The following PRKCB variants were observed in gnomAD, a reference collection of about 807,000 sequenced individuals.
The protein encoded by PRKCB is protein kinase C beta type.
PRKCB carries 13 observed loss-of-function variants against 81.5 expected under a neutral mutation model. The observed-to-expected ratio is 0.16, with a 90% CI of 0.10 to 0.25. The LOEUF (loss-of-function observed/expected upper bound fraction) is 0.25. Ranked by LOEUF, PRKCB falls within the 10% of genes least tolerant of loss-of-function variation. PRKCB has a pLI of 1.00. For missense variants in PRKCB, 509 were observed against 875.7 expected, an observed-to-expected ratio of 0.58 and a Z score of 5.29; for synonymous variants, 335 against 321.4, an observed-to-expected ratio of 1.04 and a Z score of -0.45.
intron 4 of PRKCB, among the ~76,000 whole-genome samples, chr16:24,033,667 C>T (rs1567351502): frequency 6.6e-6 from 1 of 152,068 alleles, no homozygotes; most frequent in South Asian, 2.1e-4. Flanking sequence ...GAGGCTGAGG[C>T]AGGAAAATCA....
intron 12 of PRKCB, among the ~76,000 whole-genome samples, chr16:24,178,017 A>T (rs1159740245): frequency 6.6e-6 from 1 of 152,222 alleles, no homozygotes; most frequent in South Asian, 2.1e-4. Context: ...GTATGGTTTT[A>T]TCATTTCACA....
chr16:23,926,637 G>A (rs901088895), intron 2 of PRKCB, among the ~76,000 whole-genome samples: 6 of 150,416 alleles, frequency 4.0e-5, no homozygotes, highest in African/African-American at 1.2e-4. Context: ...GGTGGTATGT[G>A]TGTCTATATA....
intron 2 of PRKCB, among the ~76,000 whole-genome samples, chr16:23,932,864 C>T (rs1963998279): frequency 6.6e-6 from 1 of 152,084 alleles, no homozygotes; most frequent in South Asian, 2.1e-4. Context: ...ATCTTAAGTA[C>T]TCTGAGAAAC....
intron 2 of PRKCB, among the ~76,000 whole-genome samples, chr16:23,971,099 T>C (rs527533445): frequency 2.0e-5 from 3 of 152,358 alleles, no homozygotes; most frequent in Admixed American, 6.5e-5. Flanking sequence ...TCTTAGCATG[T>C]GCTTGAGTTA....
rs559737517 is a variant in PRKCB, at chr16:24,034,557, G to A, written c.401-862G>A. 1.5e-4 allele frequency among the ~76,000 whole-genome samples: 23 copies of A among 152,348 alleles called. 1 individual carries two copies. The South Asian group carries it at 1.7e-3, about 11-fold the overall frequency. On this transcript the variant is annotated intron_variant, in intron 4 of 16. Coordinates refer to ENST00000643927, the MANE Select transcript of PRKCB (RefSeq NM_002738.7). ...ATATCCTATAACATGAGAGATGGCCGAAGGCCAAATTCAGTGTATAGGCAC... is the reference window on the plus strand; with the variant it reads ...ATATCCTATAACATGAGAGATGGCCAAAGGCCAAATTCAGTGTATAGGCAC...
At chr16:24,111,946 G>A (rs1966681247) in intron 7 of PRKCB, among the ~76,000 whole-genome samples, 1 of 152,166 alleles carries the variant, frequency 6.6e-6, no homozygotes. Context: ...AAAGGAATTT[G>A]TATTCCAATT....
chr16:24,125,958 T>G (rs1168506127), intron 9 of PRKCB, among the ~76,000 whole-genome samples: 1 of 152,222 alleles, frequency 6.6e-6, no homozygotes, highest in Non-Finnish European at 1.5e-5. Flanking sequence ...CCAGCAGCTC[T>G]GAGTATCCCT....
intron 4 of PRKCB, 147 bp from the exon 5 acceptor site, chr16:24,035,272 A>G: frequency 2.0e-6 from 2 of 984,610 alleles, no homozygotes; most frequent in South Asian, 1.6e-5. Flanking sequence ...AGATCCTGGC[A>G]GGCAAGTTGG....
intron 2 of PRKCB, among the ~76,000 whole-genome samples, chr16:23,957,649 T>C (rs1964367972): frequency 6.6e-6 from 1 of 151,622 alleles, no homozygotes; most frequent in African/African-American, 2.4e-5. Flanking sequence ...AAGCCCCTCC[T>C]CCCCACCCCT....
chr16:24,139,188 TAGGATA>T (rs71381646), intron 9 of PRKCB, among the ~76,000 whole-genome samples: 60,016 of 151,196 alleles, frequency 0.4, 12,279 homozygotes, highest in African/African-American at 0.52. Flanking sequence ...TTATTTTGCT[TAGGATA>T]AGGATAAGGT....
At chr16:24,074,886 C>G (rs1429186216) in intron 5 of PRKCB, among the ~76,000 whole-genome samples, 1 of 152,036 alleles carries the variant, frequency 6.6e-6, no homozygotes, top group Non-Finnish European at 1.5e-5. Flanking sequence ...CTTTGGGAGG[C>G]CAAGGTGGAA....
chr16:24,110,098 G>A (rs1207810826), intron 7 of PRKCB, among the ~76,000 whole-genome samples: 1 of 137,012 alleles, frequency 7.3e-6, no homozygotes, highest in Admixed American at 7.1e-5. Context: ...AAGAGAGGGA[G>A]AGGGAGACCG....
chr16:24,051,067 T>A (rs1413663322), intron 5 of PRKCB, among the ~76,000 whole-genome samples: 1 of 152,192 alleles, frequency 6.6e-6, no homozygotes, highest in Non-Finnish European at 1.5e-5. Context: ...CTTCCGGACA[T>A]CACCTTCCTC....
At chr16:24,176,601 G>A (rs1430957522) in intron 12 of PRKCB, among the ~76,000 whole-genome samples, 1 of 152,222 alleles carries the variant, frequency 6.6e-6, no homozygotes, top group Middle Eastern at 3.4e-3. Context: ...GTTTTGAAAG[G>A]TGCACATGAG....
intron 5 of PRKCB, among the ~76,000 whole-genome samples, chr16:24,077,292 A>G (rs956953698): frequency 2.0e-5 from 3 of 152,150 alleles, no homozygotes; most frequent in Non-Finnish European, 2.9e-5. Flanking sequence ...AATTATGATA[A>G]TAAGAAAATG....
In PRKCB at chr16:24,193,476, T is replaced by TAAATAAATAAATAAATA. The variant is rs1555501794; in HGVS notation, c.1863+2249_1863+2265dup. Among the ~76,000 whole-genome samples the TAAATAAATAAATAAATA allele has an allele frequency of 4.7e-3, 663 of 139,880 alleles. 1 individual carries two copies. Among genetic ancestry groups the TAAATAAATAAATAAATA allele is most frequent in the African/African-American group, 0.011 (408 of 37,430 alleles). The allele number at this position is 139,880 out of a possible 152,430, so 91.8% of individuals were successfully genotyped here. ...ATAAATAAATAAATAAATAAATAAATAAATAAATAAATAAATAAATAAATG... is the reference window on the plus strand; with the variant it reads ...ATAAATAAATAAATAAATAAATAAATAAATAAATAAATAAATAAAATAAATAAATAAATAAATAAATG... On this transcript the variant is annotated intron_variant, in intron 16 of 16. Transcript: ENST00000643927.
intron 5 of PRKCB, among the ~76,000 whole-genome samples, chr16:24,061,474 T>G (rs1310867006): frequency 6.6e-6 from 1 of 152,226 alleles, no homozygotes; most frequent in African/African-American, 2.4e-5. Flanking sequence ...AGTGCCTTCC[T>G]GTGGGAGTGT....
intron 2 of PRKCB, among the ~76,000 whole-genome samples, chr16:23,938,005 G>A (rs1964085830): frequency 6.6e-6 from 1 of 152,156 alleles, no homozygotes; most frequent in East Asian, 1.9e-4. Flanking sequence ...AGAGTCTGAG[G>A]CAGTTCAAGA....
chr16:24,018,904 C>T (rs1015517475), intron 3 of PRKCB, among the ~76,000 whole-genome samples: 12 of 152,166 alleles, frequency 7.9e-5, no homozygotes, highest in Non-Finnish European at 1.5e-4. Flanking sequence ...AGACAATCTC[C>T]GTCCACTCAG....
Sources: allele counts gnomAD v4.1 joint callset (sites outside exome capture counted in the v4.1 genomes callset), GRCh38; gene constraint gnomAD v4.1.1; transcripts MANE v1.5; gene names NCBI Gene and HGNC (gene_info 2026-07-23, HGNC 2026-07-21).